The following BCAS3 variants were observed in gnomAD, a reference collection of about 807,000 sequenced individuals.
BCAS3 encodes the protein BCAS3 microtubule associated cell migration factor, also known as BCAS4/BCAS3 fusion.
In BCAS3, 53 loss-of-function variants were observed where a neutral mutation model predicts 116.1. That is an observed-to-expected ratio of 0.46 (90% CI 0.37 to 0.57). BCAS3 has a LOEUF of 0.57. BCAS3 is among the 20% of genes least tolerant of loss of function. The pLI is 0.00. For missense variants in BCAS3, 917 were observed against 1,165.4 expected (o/e 0.79, Z 3.10); for synonymous variants, 391 against 408.2 (o/e 0.96, Z 0.51).
intron 9 of BCAS3, among the ~76,000 whole-genome samples, chr17:60,879,890 A>G (rs1363073377): frequency 6.6e-6 from 1 of 152,246 alleles, no homozygotes; most frequent in Admixed American, 6.5e-5. Flanking sequence ...AGTTTGTAAT[A>G]TTTATGAGAA....
intron 6 of BCAS3, among the ~76,000 whole-genome samples, chr17:60,766,894 C>T (rs1459585632): frequency 1.3e-5 from 2 of 152,232 alleles, no homozygotes; most frequent in East Asian, 3.9e-4. Flanking sequence ...CTACTCTAGC[C>T]TCAGCAATGG....
chr17:61,067,410 A>G (rs942142482), intron 19 of BCAS3, among the ~76,000 whole-genome samples: 6 of 149,184 alleles, frequency 4.0e-5, no homozygotes, highest in African/African-American at 7.4e-5. Flanking sequence ...TGCTTTACAC[A>G]TACTCACATA....
At position 61,140,508 on chromosome 17, in the gene BCAS3, C is replaced by T. The variant is rs1555738790; in HGVS notation, c.2425+55944C>T. ...AAGTAACCCTGTTAAGTGGTTATCA[C>T]AATCAAACATTTACCAAGTAATCAC... On this transcript the variant is annotated intron_variant, in intron 22 of 23. Transcript: ENST00000407086. This position sits in a 1 kb window ranked among gnomAD's most constrained non-coding sequence, Gnocchi z 4.2. 4.6e-5 allele frequency among the ~76,000 whole-genome samples: 7 copies of T among 151,258 alleles called. No individual in the cohort carries two copies. Among genetic ancestry groups the T allele is most frequent in the Non-Finnish European group, 1.0e-4 (7 of 67,924 alleles).
intron 23 of BCAS3, among the ~76,000 whole-genome samples, chr17:61,372,665 C>T (rs1225284996): frequency 1.3e-5 from 2 of 152,168 alleles, no homozygotes; most frequent in African/African-American, 4.8e-5. Flanking sequence ...AGCTAAACTC[C>T]CAGAGGGTCC....
chr17:61,030,282 C>T (rs1304928060), intron 16 of BCAS3, among the ~76,000 whole-genome samples: 1 of 152,044 alleles, frequency 6.6e-6, no homozygotes, highest in African/African-American at 2.4e-5. Context: ...GAGCACATTG[C>T]TGCTTATCAT....
chr17:61,052,310 G>C (rs1001172037), intron 19 of BCAS3, among the ~76,000 whole-genome samples: 3 of 151,616 alleles, frequency 2.0e-5, no homozygotes, highest in Non-Finnish European at 4.4e-5. Flanking sequence ...CTTTTTCTTT[G>C]TGTTAATTTC....
chr17:61,267,126 C>T (rs1004942318), intron 22 of BCAS3, among the ~76,000 whole-genome samples: 4 of 152,124 alleles, frequency 2.6e-5, no homozygotes, highest in African/African-American at 9.7e-5. Context: ...GGTGCGGTCT[C>T]GGCTCACCGC....
chr17:61,030,438 A>G (rs1036536190), intron 16 of BCAS3, among the ~76,000 whole-genome samples: 3 of 152,120 alleles, frequency 2.0e-5, no homozygotes, highest in Non-Finnish European at 2.9e-5. Context: ...GAGAAATTCA[A>G]TATATTGACC....
In BCAS3 at chr17:61,098,865, C is replaced by G. The variant is rs2074136622; in HGVS notation, c.2425+14301C>G. Among the ~76,000 whole-genome samples the G allele has an allele frequency of 6.6e-6, 1 of 152,064 alleles. No homozygotes were observed. The highest frequency in any genetic ancestry group is 2.4e-5 in the African/African-American group (1 of 41,406). ...GATGGGCTGGGTGTGGTGGCTCACACCTGTAATACCAGCACTTTGGGAGGC... is the reference window on the plus strand; with the variant it reads ...GATGGGCTGGGTGTGGTGGCTCACAGCTGTAATACCAGCACTTTGGGAGGC... On this transcript the variant is annotated intron_variant, in intron 22 of 23. Transcript: ENST00000407086. The surrounding 1 kb of genome is among the most constrained non-coding windows in gnomAD (Gnocchi z 4.2).
rs2065146225 is a variant in BCAS3, at chr17:61,012,012, A to G, written c.1487-3739A>G. On this transcript the variant is annotated intron_variant, in intron 15 of 23. Coordinates refer to ENST00000407086, the MANE Select transcript of BCAS3 (RefSeq NM_017679.5). This position sits in a 1 kb window ranked among gnomAD's most constrained non-coding sequence, Gnocchi z 4.5. ...AGAAAAGCAAAATAAAAAGATAGAG[A>G]TTCCTTCCTTTATGCTCAAAATTTG... Among the ~76,000 whole-genome samples, 1 of 151,950 alleles carries G rather than the reference A, an allele frequency of 6.6e-6. No homozygotes were observed. Among genetic ancestry groups the G allele is most frequent in the Admixed American group, 6.6e-5 (1 of 15,214 alleles).
At position 61,361,937 on chromosome 17, in the gene BCAS3, C is replaced by G. The variant is rs1336952958; in HGVS notation, c.2426-6390C>G. ...AGGCCCTCAGTTGAATGATGCCTGCCCACAATGGTGAGGGCAATCTTCTTT... is the reference window on the plus strand; with the variant it reads ...AGGCCCTCAGTTGAATGATGCCTGCGCACAATGGTGAGGGCAATCTTCTTT... On this transcript the variant is annotated intron_variant, in intron 22 of 23. Coordinates refer to ENST00000407086, the MANE Select transcript of BCAS3 (RefSeq NM_017679.5). The surrounding 1 kb of genome is among the most constrained non-coding windows in gnomAD (Gnocchi z 6.5). 6.6e-6 allele frequency: 1 copy of G among 152,208 alleles called. No individual in the cohort carries two copies. Among genetic ancestry groups the G allele is most frequent in the Non-Finnish European group, 1.5e-5 (1 of 68,068 alleles). 9.4% of individuals were successfully genotyped at this position (152,208 alleles called of 1,614,324 possible). A position where few individuals can be genotyped will look rare whatever the true frequency, so the allele number is the denominator to read the frequency against.
In BCAS3 at chr17:60,747,296, A is replaced by G; in HGVS notation, c.403+17A>G. ...CACAGTTTGGTGAGTGTAGTCCTTA[A>G]GAAAAGAATCTTTCAGAAAAGAGTT... is the stretch of plus-strand genomic sequence containing the variant. On this transcript the variant is annotated intron_variant, in intron 6 of 23. Transcript: ENST00000407086. The G allele has an allele frequency of 1.3e-6, 2 of 1,577,490 alleles. No homozygotes were observed. Among genetic ancestry groups the G allele is most frequent in the South Asian group, 2.3e-5 (2 of 88,642 alleles).
At chr17:61,322,860 G>GAC (rs2055411487) in intron 22 of BCAS3, among the ~76,000 whole-genome samples, 4 of 146,970 alleles carry the variant, frequency 2.7e-5, no homozygotes, top group Admixed American at 6.7e-5. Flanking sequence ...GAGAGACAGA[G>GAC]AGAGAGAGAG....
At chr17:61,155,509 A>G (rs2077782940) in intron 22 of BCAS3, among the ~76,000 whole-genome samples, 2 of 152,090 alleles carry the variant, frequency 1.3e-5, no homozygotes, top group African/African-American at 4.8e-5. Context: ...AAAAAAAAAA[A>G]AAGTCTAATA....
At position 61,265,541 on chromosome 17, in the gene BCAS3, C is replaced by G. The variant is rs954603138; in HGVS notation, c.2426-102786C>G. On this transcript the variant is annotated intron_variant, in intron 22 of 23. Transcript: ENST00000407086. The surrounding 1 kb of genome is among the most constrained non-coding windows in gnomAD (Gnocchi z 4.3). ...TTGGAAAATACTCTAGACCAAATTT[C>G]TGCTTCTGTGGGCCTGGTTTCTACA... 1.8e-4 allele frequency among the ~76,000 whole-genome samples: 27 copies of G among 152,318 alleles called. No individual in the cohort carries two copies. The highest frequency in any genetic ancestry group is 3.4e-3 in the Middle Eastern group (1 of 294).
intron 5 of BCAS3, among the ~76,000 whole-genome samples, chr17:60,744,431 TA>T (rs1275602202): frequency 6.6e-6 from 1 of 152,196 alleles, no homozygotes; most frequent in Non-Finnish European, 1.5e-5. Flanking sequence ...GCAGAATCTG[TA>T]AAGACTAACC....
At chr17:60,841,938 TG>T (rs1284885393) in intron 7 of BCAS3, among the ~76,000 whole-genome samples, 1 of 152,110 alleles carries the variant, frequency 6.6e-6, no homozygotes. Context: ...GACCAGCAAA[TG>T]GAAGATGGCA....
intron 19 of BCAS3, among the ~76,000 whole-genome samples, chr17:61,059,063 CTTTTTTTTTTTTTTTTTTTTTTT>C (rs869090870): frequency 1.5e-4 from 5 of 32,780 alleles, no homozygotes; most frequent in Non-Finnish European, 2.5e-4. Flanking sequence ...TTCTCCCCAT[CTTTTTTTTTTTTTTTTTTTTTTT>C]TTTTTTTTTT....
intron 14 of BCAS3, among the ~76,000 whole-genome samples, chr17:60,985,155 T>C (rs1302635989): frequency 7.0e-6 from 1 of 143,082 alleles, no homozygotes; most frequent in African/African-American, 2.5e-5. Context: ...TTTTTTTTTT[T>C]TTTTTTTGAG....
Sources: gnomAD v4.1 joint callset for allele counts (sites outside exome capture counted in the v4.1 genomes callset) on GRCh38, gnomAD v4.1.1 for gene constraint, Gnocchi (gnomAD v3.1) non-coding constraint, MANE v1.5 for transcripts, NCBI Gene and HGNC (gene_info 2026-07-23, HGNC 2026-07-21) for gene names.